The following ITPRID1 variants were observed in gnomAD, a reference collection of about 807,000 sequenced individuals.
The protein encoded by ITPRID1 is protein ITPRID1.
A neutral mutation model predicts 95.4 loss-of-function variants in ITPRID1; 96 were observed. The observed-to-expected ratio is 1.01, with a 90% confidence interval of 0.85 to 1.19. The LOEUF (loss-of-function observed/expected upper bound fraction) is 1.19, where lower values mean the gene tolerates loss of function less well. ITPRID1 is among the 50% of genes most tolerant of loss of function. ITPRID1 has a pLI of 0.00. For missense variants in ITPRID1, 1,339 were observed against 1,252.9 expected (o/e 1.07, Z -1.04); for synonymous variants, 510 against 453.6 (o/e 1.12, Z -1.58).
intron 10 of ITPRID1, among the ~76,000 whole-genome samples, chr7:31,633,123 G>C (rs1789165911): frequency 6.6e-6 from 1 of 151,936 alleles, no homozygotes; most frequent in Non-Finnish European, 1.5e-5. Context: ...CTGACCTCGT[G>C]ATCTGCCTGC....
At chr7:31,630,587 T>C (rs1441345641) in intron 10 of ITPRID1, among the ~76,000 whole-genome samples, 1 of 152,176 alleles carries the variant, frequency 6.6e-6, no homozygotes, top group Admixed American at 6.5e-5. Context: ...ATGCCTACTT[T>C]CAGAACAACA....
chr7:31,598,645 C>G (rs952278110), intron 10 of ITPRID1, among the ~76,000 whole-genome samples: 1 of 151,940 alleles, frequency 6.6e-6, no homozygotes, highest in Non-Finnish European at 1.5e-5. Context: ...CCTCGTGATC[C>G]GCCCGCCTTG....
intron 10 of ITPRID1, among the ~76,000 whole-genome samples, chr7:31,639,544 T>TG (rs61063370): frequency 0.77 from 103,840 of 135,024 alleles, 39,692 homozygotes; most frequent in African/African-American, 0.84. Context: ...TTTTGTTTTT[T>TG]TTTTTTTTTT....
At chr7:31,519,907 A>G (rs1783187609) in intron 1 of ITPRID1, among the ~76,000 whole-genome samples, 1 of 151,806 alleles carries the variant, frequency 6.6e-6, no homozygotes, top group African/African-American at 2.4e-5. Context: ...ATATGGATAC[A>G]TTATTATTAA....
intron 10 of ITPRID1, among the ~76,000 whole-genome samples, chr7:31,640,882 A>G (rs1449381271): frequency 6.6e-6 from 1 of 152,206 alleles, no homozygotes; most frequent in Non-Finnish European, 1.5e-5. Flanking sequence ...GAGCTATTTT[A>G]AAATGTATGC....
intron 10 of ITPRID1, among the ~76,000 whole-genome samples, chr7:31,626,643 A>ACC (rs1295960074): frequency 6.6e-6 from 1 of 152,182 alleles, no homozygotes; most frequent in East Asian, 1.9e-4. Context: ...TGTCGGTGAC[A>ACC]CCATGCTGTA....
rs1791177597 is a variant in ITPRID1 at position 31,654,167 on chromosome 7, A to T, written c.*1338A>T. ...TGTGGAGTAAAACTGTACTGCATTCATCAGGGTGCCTGTGGAAGGCCTTGC... is the reference window on the plus strand; with the variant it reads ...TGTGGAGTAAAACTGTACTGCATTCTTCAGGGTGCCTGTGGAAGGCCTTGC... On this transcript the variant is annotated 3_prime_UTR_variant, in exon 15 of 15. Transcript: ENST00000615280. Among the ~76,000 whole-genome samples, 1 of 152,228 alleles carries T rather than the reference A, an allele frequency of 6.6e-6. No homozygotes were observed. The highest frequency in any genetic ancestry group is 1.5e-5 in the Non-Finnish European group (1 of 68,048).
At chr7:31,636,137 A>G (rs917035606) in intron 10 of ITPRID1, among the ~76,000 whole-genome samples, 3 of 152,206 alleles carry the variant, frequency 2.0e-5, no homozygotes, top group African/African-American at 4.8e-5. Context: ...CAAGAATAGC[A>G]TGGGGGTGGC....
intron 10 of ITPRID1, among the ~76,000 whole-genome samples, chr7:31,631,790 G>A (rs1789023993): frequency 6.6e-6 from 1 of 152,204 alleles, no homozygotes; most frequent in African/African-American, 2.4e-5. Context: ...ATCTTCATAG[G>A]ATAGAGACTC....
At chr7:31,637,344 G>C (rs1319393417) in intron 10 of ITPRID1, among the ~76,000 whole-genome samples, 1 of 152,122 alleles carries the variant, frequency 6.6e-6, no homozygotes, top group African/African-American at 2.4e-5. Context: ...CTAGTTTACA[G>C]TCCCACCAAC....
intron 1 of ITPRID1, chr7:31,529,574 C>T: frequency 1.9e-6 from 1 of 531,706 alleles, no homozygotes; most frequent in Non-Finnish European, 3.3e-6. Context: ...GAGAGAATCA[C>T]TTTGTGTCTT....
chr7:31,643,843 G>A lies in ITPRID1; in HGVS notation c.2473G>A (p.Glu825Lys). The change falls in exon 12 of 15, where the codon GAA (glutamate) becomes AAA (lysine). Residue 825 changes from glutamate (E) to lysine (K), a missense_variant. Coordinates refer to ENST00000615280, the MANE Select transcript of ITPRID1 (RefSeq NM_001257967.3). ...CHGERQSPGP[E>K]PSVCRHCLCS... ...CGGGGAGAGGCAAAGCCCTGGCCCT[G>A]AACCCTCAGTCTGTAGGCACTGCCT... 2 of 1,613,908 alleles carry A rather than the reference G, an allele frequency of 1.2e-6. No individual in the cohort carries two copies. Among genetic ancestry groups the A allele is most frequent in the Non-Finnish European group, 1.7e-6 (2 of 1,179,892 alleles).
intron 10 of ITPRID1, among the ~76,000 whole-genome samples, chr7:31,622,835 G>C (rs1442113084): frequency 6.6e-6 from 1 of 152,028 alleles, no homozygotes; most frequent in Non-Finnish European, 1.5e-5. Flanking sequence ...TTTTTGAAAT[G>C]ATCAACAAAA....
chr7:31,643,056 T>C lies in ITPRID1; in HGVS notation c.1686T>C (p.Tyr562=), dbSNP rs1036616976. Residue 562 remains tyrosine, a synonymous_variant, in exon 12 of 15, where the codon TAT becomes TAC. Transcript: ENST00000615280. ...CCAGACCCACAGCCACTTCCAAATA[T>C]GATCATCCTCTGGGGTTTATGGTAA... The part of the protein sequence containing the change: ...EVTRPTATSK[Y]DHPLGFMVTH... 8 of 1,613,836 alleles carry C rather than the reference T, an allele frequency of 5.0e-6. No homozygotes were observed. The highest frequency in any genetic ancestry group is 4.0e-5 in the African/African-American group (3 of 74,908).
Position 31,654,503 on chromosome 7 carries a change from T to A in ITPRID1, c.*1674T>A, listed in dbSNP as rs1204818451. ...ATTTACGTTTTGAAGTCATGCTGGCTGCTTTATGGAGAAAACGCCCCTGGG... is the reference window on the plus strand; with the variant it reads ...ATTTACGTTTTGAAGTCATGCTGGCAGCTTTATGGAGAAAACGCCCCTGGG... On this transcript the variant is annotated 3_prime_UTR_variant, in exon 15 of 15. Coordinates refer to ENST00000615280, the MANE Select transcript of ITPRID1 (RefSeq NM_001257967.3). Among the ~76,000 whole-genome samples the A allele has an allele frequency of 6.6e-6, 1 of 152,204 alleles. No individual in the cohort carries two copies. Among genetic ancestry groups the A allele is most frequent in the African/African-American group, 2.4e-5 (1 of 41,458 alleles).
chr7:31,537,108 TG>T (rs1408744765), intron 1 of ITPRID1, among the ~76,000 whole-genome samples: 1 of 150,994 alleles, frequency 6.6e-6, no homozygotes, highest in African/African-American at 2.4e-5. Flanking sequence ...TGTGTGTGTG[TG>T]TGTGTGTGTG....
At chr7:31,570,129 A>G (rs1267081085) in intron 6 of ITPRID1, among the ~76,000 whole-genome samples, 1 of 152,214 alleles carries the variant, frequency 6.6e-6, no homozygotes, top group Admixed American at 6.5e-5. Context: ...GTTGCATTCA[A>G]TATTTTCATT....
intron 1 of ITPRID1, among the ~76,000 whole-genome samples, chr7:31,539,904 C>T (rs12667113): frequency 1.3e-5 from 2 of 151,344 alleles, no homozygotes; most frequent in Admixed American, 6.6e-5. Flanking sequence ...TGTATCTGAT[C>T]GGGGAGGGGT....
In ITPRID1 at chr7:31,563,115, C is replaced by A. The variant is rs140648752; in HGVS notation, c.257-6643C>A. Reference sequence around the variant, plus strand: ...AAAACATAATGAAGATATTGTCAGACTGGGAAGTCTCCTCAAAAGAGGTGA... The same window carrying A: ...AAAACATAATGAAGATATTGTCAGAATGGGAAGTCTCCTCAAAAGAGGTGA... On this transcript the variant is annotated intron_variant, in intron 5 of 14. Transcript: ENST00000615280. Among the ~76,000 whole-genome samples the A allele has an allele frequency of 4.9e-3, 740 of 152,242 alleles. 1 individual carries two copies. The highest frequency in any genetic ancestry group is 0.01 in the Middle Eastern group (3 of 294).
Sources: gnomAD v4.1 joint callset for allele counts (sites outside exome capture counted in the v4.1 genomes callset) on GRCh38, gnomAD v4.1.1 for gene constraint, MANE v1.5 for transcripts, NCBI Gene and HGNC (gene_info 2026-07-23, HGNC 2026-07-21) for gene names.